P4HA3: variants seen among roughly 807,000 people sequenced by gnomAD.
P4HA3 encodes prolyl 4-hydroxylase subunit alpha 3, also known as prolyl 4-hydroxylase subunit alpha-3.
A neutral mutation model predicts 66.7 loss-of-function variants in P4HA3; 60 were observed. That is an observed-to-expected ratio of 0.90 (90% CI 0.73 to 1.12). P4HA3 has a LOEUF of 1.12. Ranked by LOEUF, P4HA3 falls within the 50% of genes most tolerant of loss-of-function variation. The pLI, the probability that P4HA3 is intolerant of heterozygous loss-of-function variation, is 0.00. For missense variants in P4HA3, 683 were observed against 685.8 expected (o/e 1.00, Z 0.05); for synonymous variants, 263 against 274.6 (o/e 0.96, Z 0.42).
At chr11:74,303,292 CTT>C (rs779313817) in intron 2 of P4HA3, among the ~76,000 whole-genome samples, 38 of 123,198 alleles carry the variant, frequency 3.1e-4, no homozygotes, top group Admixed American at 3.5e-4. Context: ...CAACAAACTT[CTT>C]TTTTTTTTTT....
intron 9 of P4HA3, among the ~76,000 whole-genome samples, chr11:74,274,894 T>C (rs554708075): frequency 5.3e-5 from 8 of 152,204 alleles, no homozygotes; most frequent in Non-Finnish European, 1.2e-4. Context: ...GAGAGTGCAG[T>C]GCTATCTCAT....
intron 7 of P4HA3, 56 bp from the exon 8 acceptor site, chr11:74,279,508 T>C (rs1207968468): frequency 6.6e-7 from 1 of 1,517,864 alleles, no homozygotes; most frequent in Non-Finnish European, 9.2e-7. Flanking sequence ...AAGGAAAGTT[T>C]TGTCACTTCC....
At chr11:74,290,596 T>C (rs1591119130) in intron 4 of P4HA3, among the ~76,000 whole-genome samples, 2 of 151,948 alleles carry the variant, frequency 1.3e-5, no homozygotes, top group African/African-American at 4.8e-5. Flanking sequence ...TTTAAGTCTT[T>C]AATCCATCTT....
At position 74,266,775 on chromosome 11, in the gene P4HA3, T is replaced by C. The variant is rs1860000980; in HGVS notation, c.*473A>G. 2 of 434,922 alleles carry C rather than the reference T, an allele frequency of 4.6e-6. No homozygotes were observed. Among genetic ancestry groups the C allele is most frequent in the Non-Finnish European group, 4.1e-6 (1 of 245,490 alleles). The allele number at this position is 434,922 out of a possible 1,614,324, so 26.9% of individuals were successfully genotyped here. A position where few individuals can be genotyped will look rare whatever the true frequency, so the allele number is the denominator to read the frequency against. ...GTACCACTCATCTGGGATATGCTTC[T>C]GGGAGGGGGACACTCCCTGCTTGGG... On this transcript the variant is annotated 3_prime_UTR_variant, in exon 13 of 13. Transcript: ENST00000331597.
At chr11:74,257,549 G>C (rs1342990025) in intron 15 of P4HA3, among the ~76,000 whole-genome samples, 1 of 152,184 alleles carries the variant, frequency 6.6e-6, no homozygotes, top group Non-Finnish European at 1.5e-5. Flanking sequence ...CTAGGAAGAA[G>C]ACTGTGGCTG....
intron 7 of P4HA3, among the ~76,000 whole-genome samples, chr11:74,284,941 C>T (rs1324677198): frequency 2.6e-5 from 4 of 152,292 alleles, no homozygotes; most frequent in East Asian, 3.9e-4. Flanking sequence ...CCTGCACCTT[C>T]GTTGGGCCCG....
In P4HA3 at chr11:74,289,061, CT is replaced by C; in HGVS notation, c.769+17del. ...TAAATCAGACCTGTGGCTGGCTTATCTTTTATCCATTACGTACTGTAGAGAA... is the reference window on the plus strand; with the variant it reads ...TAAATCAGACCTGTGGCTGGCTTATCTTTATCCATTACGTACTGTAGAGAA... On this transcript the variant is annotated intron_variant, in intron 5 of 12. Transcript: ENST00000331597. 1 of 1,517,526 alleles carries C rather than the reference CT, an allele frequency of 6.6e-7. No individual in the cohort carries two copies. The highest frequency in any genetic ancestry group is 8.8e-7 in the Non-Finnish European group (1 of 1,131,168). The allele number at this position is 1,517,526 out of a possible 1,614,324, so 94.0% of individuals were successfully genotyped here. A position where few individuals can be genotyped will look rare whatever the true frequency, so the allele number is the denominator to read the frequency against.
intron 15 of P4HA3, among the ~76,000 whole-genome samples, chr11:74,252,894 C>G (rs1238543286): frequency 6.6e-6 from 1 of 152,070 alleles, no homozygotes; most frequent in Non-Finnish European, 1.5e-5. Context: ...TGGTATTGAC[C>G]CACCTCAGCC....
chr11:74,287,105 T>A, intron 5 of P4HA3: 8 of 1,184,190 alleles, frequency 6.8e-6, no homozygotes, highest in Non-Finnish European at 8.5e-6. Flanking sequence ...TTGTGTCTTG[T>A]TTGTGCCCAC....
intron 15 of P4HA3, chr11:74,252,692 C>G (rs923288056): frequency 2.6e-5 from 9 of 351,654 alleles, no homozygotes; most frequent in African/African-American, 1.7e-4. Context: ...ACCCCTCCCA[C>G]ACACGGTTTT....
chr11:74,297,802 T>G (rs528287631), intron 4 of P4HA3, among the ~76,000 whole-genome samples: 9 of 152,318 alleles, frequency 5.9e-5, no homozygotes, highest in Admixed American at 5.2e-4. Flanking sequence ...GGCAATATTA[T>G]GGGTAATATC....
At chr11:74,308,758 TTAAAATAAAA>T (rs138633165) in intron 1 of P4HA3, among the ~76,000 whole-genome samples, 2 of 152,130 alleles carry the variant, frequency 1.3e-5, no homozygotes, top group Admixed American at 6.6e-5. Context: ...CTAGATGGTC[TTAAAATAAAA>T]TAAAATAAAA....
chr11:74,311,412 C>T lies in P4HA3; in HGVS notation c.200G>A (p.Arg67Lys). ...TCGCTCCCACTCGTCGTGCCCTCAC[C>T]TAGTCAGGTCCCGCAGCCGCGCCTC... is the stretch of plus-strand genomic sequence containing the variant. ...GEEARLRDLT[R>K]FYDKVLSLHE... Residue 67 changes from arginine (R) to lysine (K), a missense_variant and splice_region_variant, in exon 1 of 13, where the codon AGA (arginine) becomes AAA (lysine). Physicochemically the swap from Arg to Lys is conservative, Grantham distance 26. Transcript: ENST00000331597. The T allele has an allele frequency of 6.6e-7, 1 of 1,521,986 alleles. No homozygotes were observed. The highest frequency in any genetic ancestry group is 1.2e-5 in the South Asian group (1 of 80,210). 94.3% of individuals were successfully genotyped at this position (1,521,986 alleles called of 1,614,324 possible).
intron 9 of P4HA3, among the ~76,000 whole-genome samples, chr11:74,275,116 T>G (rs564511763): frequency 2.6e-5 from 4 of 152,368 alleles, no homozygotes; most frequent in African/African-American, 9.6e-5. Flanking sequence ...TATTTTCTCC[T>G]AGTTGGTGGC....
At chr11:74,250,673 T>C (rs962137226) in intron 15 of P4HA3, 2 of 370,906 alleles carry the variant, frequency 5.4e-6, no homozygotes, top group Non-Finnish European at 9.9e-6. Context: ...CCTACTGGAC[T>C]GTAAATCCCC....
chr11:74,279,305 G>T, intron 8 of P4HA3, 83 bp downstream of exon 8: 1 of 1,305,878 alleles, frequency 7.7e-7, no homozygotes, highest in Non-Finnish European at 1.1e-6. Context: ...GGAGGTCCCT[G>T]AATGGCTGTT....
chr11:74,265,303 C>T (rs943037384), downstream of P4HA3, among the ~76,000 whole-genome samples: 2 of 152,138 alleles, frequency 1.3e-5, no homozygotes, highest in African/African-American at 4.8e-5. Flanking sequence ...TTTCCAGAAT[C>T]CTGGTGTGCT....
Position 74,266,940 on chromosome 11 carries a change from A to G in P4HA3, c.*308T>C. ...AAAAGACCCACTGATCGAACCTGAGACTGTTGAGATGTCCTGTTCCCAACA... is the reference window on the plus strand; with the variant it reads ...AAAAGACCCACTGATCGAACCTGAGGCTGTTGAGATGTCCTGTTCCCAACA... On this transcript the variant is annotated 3_prime_UTR_variant, in exon 13 of 13. Transcript: ENST00000331597. 7.6e-7 allele frequency: 1 copy of G among 1,320,508 alleles called. No individual in the cohort carries two copies. Among genetic ancestry groups the G allele is most frequent in the South Asian group, 1.5e-5 (1 of 65,422 alleles). The allele number at this position is 1,320,508 out of a possible 1,614,324, so 81.8% of individuals were successfully genotyped here.
chr11:74,311,525 G>C lies in P4HA3; in HGVS notation c.87C>G (p.Asp29Glu), dbSNP rs1186417498. The change falls in exon 1 of 13, where the codon GAC becomes GAG. Residue 29 changes from aspartate (D) to glutamate (E), a missense_variant. Transcript: ENST00000331597. ...GDPERAAARG[D>E]TFSALTSVAR... The stretch of plus-strand genomic sequence containing the variant: ...CCACGCTGGTCAGCGCCGAGAACGT[G>C]TCGCCCCGAGCCGCAGCCCTTTCTG... 4 of 1,541,384 alleles carry C rather than the reference G, an allele frequency of 2.6e-6. No individual in the cohort carries two copies. The highest frequency in any genetic ancestry group is 3.8e-5 in the Admixed American group (2 of 52,666).
Sources: gnomAD v4.1 joint callset for allele counts (sites outside exome capture counted in the v4.1 genomes callset) on GRCh38, gnomAD v4.1.1 for gene constraint, MANE v1.5 for transcripts, NCBI Gene and HGNC (gene_info 2026-07-23, HGNC 2026-07-21) for gene names.